DDB1: variants seen among roughly 807,000 people sequenced by gnomAD.
The protein encoded by DDB1 is DNA damage-binding protein 1.
Under a neutral mutation model 133.1 loss-of-function variants are expected in DDB1, and 18 were observed. That is an observed-to-expected ratio of 0.14 (90% CI 0.09 to 0.20). The LOEUF (loss-of-function observed/expected upper bound fraction) is 0.20. Among genes scored for constraint, DDB1 ranks in the 10% least tolerant of loss-of-function variants. The pLI, the probability that DDB1 is intolerant of heterozygous loss-of-function variation, is 1.00. For synonymous variants in DDB1, 580 were observed against 550.5 expected (o/e 1.05, Z -0.75); for missense variants, 828 against 1,459.2 (o/e 0.57, Z 7.05).
intron 7 of DDB1, 87 bp downstream of exon 7, chr11:61,323,892 T>C: frequency 1.4e-6 from 2 of 1,458,616 alleles, no homozygotes. Context: ...GTAACATAAT[T>C]CCCAGAGTTG....
chr11:61,325,746 C>CTAA, intron 5 of DDB1, 38 bp from the exon 6 acceptor site: 1 of 1,551,478 alleles, frequency 6.4e-7, no homozygotes, highest in Non-Finnish European at 8.9e-7. Flanking sequence ...GCTCAGCACT[C>CTAA]TGGGTCTGCC....
intron 6 of DDB1, 142 bp downstream of exon 6, chr11:61,325,469 G>A (rs1856253816): frequency 1.5e-6 from 1 of 658,942 alleles, no homozygotes; most frequent in Admixed American, 2.9e-5. Context: ...TATTCCCAAT[G>A]GCCAACGCAA....
chr11:61,310,901 A>G (rs1855954967), intron 18 of DDB1: 1 of 152,448 alleles, frequency 6.6e-6, no homozygotes, highest in African/African-American at 2.4e-5. Context: ...TATCTGCCTC[A>G]TTCTGCAGAT....
chr11:61,310,359 C>G lies in DDB1; in HGVS notation c.2337G>C (p.Glu779Asp), dbSNP rs555624580. Residue 779 changes from glutamate to aspartate, a missense_variant, in exon 19 of 27, where the codon GAG becomes GAC. Physicochemically the swap from Glu to Asp is conservative, Grantham distance 45. This residue lies in a region of DDB1 where 396 missense variants were observed against 554.1 expected (regional missense o/e 0.71). Coordinates refer to ENST00000301764, the MANE Select transcript of DDB1 (RefSeq NM_001923.5). ...KLFSSSTAPH[E>D]TSFGEEVEVH... ...CCTCCACCTCTTCTCCAAAGGAGGT[C>G]TCATGAGGAGCAGTGCTGCTGGAGA... 1 of 1,613,254 alleles carries G rather than the reference C, an allele frequency of 6.2e-7. No individual in the cohort carries two copies. Among genetic ancestry groups the G allele is most frequent in the South Asian group, 1.1e-5 (1 of 91,008 alleles).
intron 10 of DDB1, chr11:61,321,350 A>C (rs1377815690): frequency 2.9e-6 from 1 of 349,680 alleles, no homozygotes; most frequent in Non-Finnish European, 5.1e-6. Flanking sequence ...TTTAATTTAT[A>C]ATCTTTTAAT....
intron 10 of DDB1, among the ~76,000 whole-genome samples, chr11:61,316,983 A>C (rs1387557915): frequency 5.0e-5 from 4 of 79,970 alleles, no homozygotes; most frequent in Admixed American, 1.4e-4. Flanking sequence ...ATATATATAT[A>C]TATATATATA....
At chr11:61,316,989 A>C (rs1363901176) in intron 10 of DDB1, among the ~76,000 whole-genome samples, 1 of 86,604 alleles carries the variant, frequency 1.2e-5, no homozygotes, top group East Asian at 3.3e-4. Flanking sequence ...ATATATATAT[A>C]TATATATATA....
Position 61,324,130 on chromosome 11 carries a change from G to A in DDB1, c.770C>T (p.Thr257Met). The change falls in exon 7 of 27, where the codon ACG becomes ATG. Residue 257 changes from threonine (T) to methionine (M), a missense_variant. Physicochemically the swap from Thr to Met is moderately conservative, Grantham distance 81. This residue lies in a region of DDB1 where 210 missense variants were observed against 344.8 expected (regional missense o/e 0.61). Coordinates refer to ENST00000301764, the MANE Select transcript of DDB1 (RefSeq NM_001923.5). ...GTCCACTCGATTGTGGCACACAATC[G>A]TGCTTTGCTGCCAATTGGAAGGAAA... ...AIAPPIIKQS[T>M]IVCHNRVDPN... The A allele has an allele frequency of 6.2e-7, 1 of 1,614,022 alleles. No individual in the cohort carries two copies. Among genetic ancestry groups the A allele is most frequent in the Non-Finnish European group, 8.5e-7 (1 of 1,179,988 alleles).
At chr11:61,311,344 A>AT (rs1307169673) in intron 18 of DDB1, 11 of 161,606 alleles carry the variant, frequency 6.8e-5, no homozygotes, top group African/African-American at 1.9e-4. Context: ...ATAACATAAC[A>AT]AACATAACAC....
Position 61,300,214 on chromosome 11 carries a change from G to A in DDB1, c.3345C>T (p.Asp1115=), listed in dbSNP as rs138674997. ...CCTCTCGCTTCATACCGCTGCCATCGTCATACTGCAATGAGAAGATGGGCG... is the reference window on the plus strand; with the variant it reads ...CCTCTCGCTTCATACCGCTGCCATCATCATACTGCAATGAGAAGATGGGCG... ...MQEVVANLQY[D]DGSGMKREAT... is the part of the protein sequence containing the mutation. Residue 1115 remains aspartate, a synonymous_variant, in exon 27 of 27, where the codon GAC becomes GAT. Transcript: ENST00000301764. The A allele has an allele frequency of 2.9e-5, 46 of 1,613,874 alleles. No individual in the cohort carries two copies. The highest frequency in any genetic ancestry group is 2.3e-4 in the South Asian group (21 of 91,040).
chr11:61,316,991 A>G (rs1202843172), intron 10 of DDB1, among the ~76,000 whole-genome samples: 1 of 109,732 alleles, frequency 9.1e-6, no homozygotes, highest in Non-Finnish European at 1.9e-5. Flanking sequence ...ATATATATAT[A>G]TATATATAGA....
At chr11:61,324,363 A>T in intron 6 of DDB1, 1 of 493,858 alleles carries the variant, frequency 2.0e-6, no homozygotes. Flanking sequence ...AATATATCTT[A>T]TATGTTTACT....
At chr11:61,312,209 A>T (rs1855984541) in intron 16 of DDB1, 125 bp from the exon 17 acceptor site, 2 of 746,336 alleles carry the variant, frequency 2.7e-6, no homozygotes, top group African/African-American at 1.7e-5. Flanking sequence ...GCTAAACATC[A>T]CCTGGAGAGA....
At chr11:61,327,162 C>T (rs1254311194) in intron 4 of DDB1, among the ~76,000 whole-genome samples, 3 of 152,172 alleles carry the variant, frequency 2.0e-5, no homozygotes, top group African/African-American at 7.2e-5. Context: ...TGTCACACTG[C>T]ACTAGGTACT....
In DDB1 at chr11:61,303,892, G is replaced by A. The variant is rs1855841666; in HGVS notation, c.2805C>T (p.Tyr935=). Reference sequence around the variant, plus strand: ...CTTCAAAGTTTCCTTCCATGGGCTTGTAGGCAAGCAGCAGCACTGAGCGCA... The same window carrying A: ...CTTCAAAGTTTCCTTCCATGGGCTTATAGGCAAGCAGCAGCACTGAGCGCA... ...DLMRSVLLLA[Y]KPMEGNFEEI... The change falls in exon 22 of 27, where the codon TAC becomes TAT. Residue 935 remains tyrosine (Y), a synonymous_variant. Coordinates refer to ENST00000301764, the MANE Select transcript of DDB1 (RefSeq NM_001923.5). 1.2e-6 allele frequency: 2 copies of A among 1,614,004 alleles called. No individual in the cohort carries two copies. The highest frequency in any genetic ancestry group is 1.1e-5 in the South Asian group (1 of 91,066).
chr11:61,318,536 G>A (rs1240750633), intron 10 of DDB1, among the ~76,000 whole-genome samples: 2 of 152,082 alleles, frequency 1.3e-5, no homozygotes, highest in African/African-American at 2.4e-5. Flanking sequence ...GTCCATTCAT[G>A]TCCTTTGCTA....
At chr11:61,330,683 A>C (rs1371674379) in intron 2 of DDB1, among the ~76,000 whole-genome samples, 1 of 150,282 alleles carries the variant, frequency 6.7e-6, no homozygotes, top group African/African-American at 2.4e-5. Context: ...TTTTTTTTGG[A>C]GATGGAGTCT....
At chr11:61,300,344 C>A in intron 26 of DDB1, 125 bp from the exon 27 acceptor site, 2 of 986,582 alleles carry the variant, frequency 2.0e-6, no homozygotes, top group Non-Finnish European at 3.1e-6. Context: ...GAAGGACTCA[C>A]CAGAAACCCA....
rs770073228 is a variant in DDB1, at chr11:61,321,589, A to T, written c.1225+6T>A. ...ATCTACATCCTATGCCCACCAAAAA[A>T]GCTACCTTTGATGCCTGGTAAGTCA... On this transcript the variant is annotated splice_donor_region_variant and intron_variant, in intron 10 of 26. Transcript: ENST00000301764. 1.9e-6 allele frequency: 3 copies of T among 1,614,028 alleles called. No homozygotes were observed. Among genetic ancestry groups the T allele is most frequent in the South Asian group, 2.2e-5 (2 of 91,076 alleles).
Sources: gnomAD v4.1 joint callset for allele counts (sites outside exome capture counted in the v4.1 genomes callset) on GRCh38, gnomAD v4.1.1 for gene constraint, gnomAD v4.1.1 regional missense constraint, MANE v1.5 for transcripts, NCBI Gene and HGNC (gene_info 2026-07-23, HGNC 2026-07-21) for gene names.